The following MIER1 variants were observed in gnomAD, a reference collection of about 807,000 sequenced individuals.
MIER1 encodes mesoderm induction early response protein 1.
MIER1 carries 40 observed loss-of-function variants against 75.7 expected under a neutral mutation model. That is an observed-to-expected ratio of 0.53 (90% CI 0.41 to 0.69). The LOEUF (loss-of-function observed/expected upper bound fraction) is 0.69, where lower values mean the gene tolerates loss of function less well. Ranked by LOEUF, MIER1 falls within the 30% of genes least tolerant of loss-of-function variation. The probability of loss-of-function intolerance (pLI) is 0.00; values close to 1 mark genes in which losing one functional copy is unlikely to be tolerated. For synonymous variants in MIER1, 213 were observed against 223.4 expected, an observed-to-expected ratio of 0.95 and a Z score of 0.42; for missense variants, 574 against 680.2, an observed-to-expected ratio of 0.84 and a Z score of 1.74.
At chr1:66,960,838 C>CTA (rs1385718945) in intron 7 of MIER1, among the ~76,000 whole-genome samples, 4 of 152,096 alleles carry the variant, frequency 2.6e-5, no homozygotes, top group Admixed American at 2.0e-4. Context: ...TGTTTTTAAT[C>CTA]TGATTCCTAC....
chr1:66,970,827 G>A lies in MIER1; in HGVS notation c.792G>A (p.Gln264=), dbSNP rs373963799. The part of the protein sequence containing the change: ...ENEKVYENDD[Q]LLWDPEYLPE... ...ATTTAGTATATGAAAATGATGATCA[G>A]CTCCTGTGGGACCCTGAGTACTTAC... Residue 264 remains glutamine, a synonymous_variant, in exon 9 of 14, where the codon CAG becomes CAA. Transcript: ENST00000401041. 9.0e-5 allele frequency: 141 copies of A among 1,567,176 alleles called. No individual in the cohort carries two copies. The African/African-American group carries it at 1.8e-3, about 19-fold the overall frequency.
intron 8 of MIER1, among the ~76,000 whole-genome samples, 173 bp from the exon 9 acceptor site, chr1:66,970,635 T>A (rs1361253495): frequency 6.6e-6 from 1 of 152,158 alleles, no homozygotes; most frequent in Non-Finnish European, 1.5e-5. Flanking sequence ...TTTAAATTGT[T>A]TAATTTACTT....
intron 4 of MIER1, among the ~76,000 whole-genome samples, chr1:66,954,237 C>T (rs767534515): frequency 1.3e-5 from 2 of 152,194 alleles, no homozygotes; most frequent in Non-Finnish European, 2.9e-5. Context: ...CCTAAGTTCA[C>T]GTTGAGTGTT....
rs761336238 is a variant in MIER1 at position 66,970,944 on chromosome 1, A to G, written c.909A>G (p.Ile303Met). The G allele has an allele frequency of 1.0e-5, 16 of 1,582,490 alleles. No individual in the cohort carries two copies. The highest frequency in any genetic ancestry group is 3.3e-4 in the Middle Eastern group (2 of 6,012). Residue 303 changes from isoleucine to methionine, a missense_variant, in exon 9 of 14, where the codon ATA becomes ATG. Around this residue, in one of 3 missense-constraint regions of MIER1, gnomAD observed 101 missense variants for 173.1 expected, o/e 0.58. Transcript: ENST00000401041. ...AAGCAATTCCTGAAGGATCTCACAT[A>G]AAAGACAATGAACAGGTCTGTGAAA... ...GVEAIPEGSH[I>M]KDNEQALYEL...
chr1:66,932,858 T>C (rs573460840), intron 2 of MIER1: 73 of 151,994 alleles, frequency 4.8e-4, no homozygotes, highest in African/African-American at 1.6e-3. Flanking sequence ...AAAAAAAAAA[T>C]TGATGCTTCC....
intron 13 of MIER1, among the ~76,000 whole-genome samples, chr1:66,983,874 C>T (rs532476124): frequency 4.8e-4 from 73 of 152,266 alleles, no homozygotes; most frequent in African/African-American, 1.6e-3. Context: ...AGACGGTGCA[C>T]GCCACCACTC....
intron 5 of MIER1, 48 bp from the exon 6 acceptor site, chr1:66,958,803 C>A: frequency 6.7e-7 from 1 of 1,491,442 alleles, no homozygotes; most frequent in Non-Finnish European, 9.2e-7. Flanking sequence ...CTTTCATCTG[C>A]AACTGTTTTC....
chr1:66,969,568 A>C (rs1663173067), intron 8 of MIER1, among the ~76,000 whole-genome samples: 1 of 149,072 alleles, frequency 6.7e-6, no homozygotes, highest in Non-Finnish European at 1.5e-5. Context: ...AAAAAAAAAA[A>C]AAAAAAATCA....
At position 66,957,978 on chromosome 1, in the gene MIER1, A is replaced by G. The variant is rs971480989; in HGVS notation, c.340-81A>G. On this transcript the variant is annotated intron_variant, in intron 4 of 13. Coordinates refer to ENST00000401041, the MANE Select transcript of MIER1 (RefSeq NM_001077700.3). ...TTTTATTCTTCACTATAGAATGAAT[A>G]CTCCACAGATTTGTGGATTATAGCC... 5 of 788,812 alleles carry G rather than the reference A, an allele frequency of 6.3e-6. No homozygotes were observed. In the African/African-American group the frequency reaches 7.0e-5, roughly 11 times the overall value. The allele number at this position is 788,812 out of a possible 1,614,324, so 48.9% of individuals were successfully genotyped here.
intron 2 of MIER1, among the ~76,000 whole-genome samples, chr1:66,927,602 A>G (rs929106347): frequency 4.6e-5 from 7 of 152,174 alleles, no homozygotes; most frequent in Admixed American, 2.6e-4. Context: ...TTGGATACAA[A>G]GAAGATATCT....
At chr1:66,935,569 C>CA (rs770614257) in intron 2 of MIER1, among the ~76,000 whole-genome samples, 1 of 152,100 alleles carries the variant, frequency 6.6e-6, no homozygotes, top group Admixed American at 6.6e-5. Context: ...ACAAGATAAT[C>CA]AGTTCCCAGT....
At chr1:66,932,779 G>A (rs1274211316) in intron 2 of MIER1, 2 of 151,944 alleles carry the variant, frequency 1.3e-5, no homozygotes, top group Non-Finnish European at 2.9e-5. Flanking sequence ...TAAATCTGAG[G>A]GGGAAAACAG....
chr1:66,947,025 C>T (rs1436689133), intron 4 of MIER1: 1 of 984,478 alleles, frequency 1.0e-6, no homozygotes, highest in African/African-American at 1.7e-5. Context: ...GATCAGTGCT[C>T]CTCAAAATGT....
intron 7 of MIER1, among the ~76,000 whole-genome samples, chr1:66,960,467 T>C (rs552248423): frequency 4.7e-4 from 72 of 152,270 alleles, no homozygotes; most frequent in Admixed American, 2.4e-3. Flanking sequence ...AGTTAAAGAA[T>C]TGTAAGTTAT....
At position 66,946,167 on chromosome 1, in the gene MIER1, G is replaced by C; in HGVS notation, c.211G>C (p.Asp71His). 6.2e-7 allele frequency: 1 copy of C among 1,609,192 alleles called. No homozygotes were observed. The highest frequency in any genetic ancestry group is 1.1e-5 in the South Asian group (1 of 89,744). ...SSSPGGSATS[D>H]DHEFDPSADM... ...CTTACCAGGAGGTTCAGCAACATCA[G>C]ATGACCATGAATTTGATCCATCAGC... Residue 71 changes from aspartate to histidine, a missense_variant, in exon 4 of 14, where the codon GAT becomes CAT. Around this residue, in one of 3 missense-constraint regions of MIER1, gnomAD observed 309 missense variants for 352.8 expected, o/e 0.88. Coordinates refer to ENST00000401041, the MANE Select transcript of MIER1 (RefSeq NM_001077700.3).
rs753834802 is a variant in MIER1 at position 66,970,915 on chromosome 1, G to A, written c.880G>A (p.Val294Ile). 22 of 1,589,176 alleles carry A rather than the reference G, an allele frequency of 1.4e-5. No homozygotes were observed. Among genetic ancestry groups the A allele is most frequent in the Non-Finnish European group, 1.9e-5 (22 of 1,172,960 alleles). Reference sequence around the variant, plus strand: ...TAGAAGAACAGGTGATGAGAAGGGTGTAGAAGCAATTCCTGAAGGATCTCA... The same window carrying A: ...TAGAAGAACAGGTGATGAGAAGGGTATAGAAGCAATTCCTGAAGGATCTCA... ...ASRRTGDEKG[V>I]EAIPEGSHIK... Residue 294 changes from valine (V) to isoleucine (I), a missense_variant, in exon 9 of 14, where the codon GTA (valine) becomes ATA (isoleucine). By Grantham distance (29) the Val-to-Ile change is conservative (BLOSUM62 3). Coordinates refer to ENST00000401041, the MANE Select transcript of MIER1 (RefSeq NM_001077700.3).
At chr1:66,949,832 A>T (rs1658507651) in intron 4 of MIER1, among the ~76,000 whole-genome samples, 1 of 152,194 alleles carries the variant, frequency 6.6e-6, no homozygotes, top group Admixed American at 6.5e-5. Flanking sequence ...TGAATTTTTG[A>T]TGTATTGTGG....
At chr1:66,978,209 A>AGAAG (rs1558114062) in intron 12 of MIER1, among the ~76,000 whole-genome samples, 1 of 149,472 alleles carries the variant, frequency 6.7e-6, no homozygotes, top group Non-Finnish European at 1.5e-5. Flanking sequence ...AAAAAAAAAA[A>AGAAG]AAAGATGTGC....
intron 10 of MIER1, among the ~76,000 whole-genome samples, chr1:66,972,102 A>G (rs1020023260): frequency 1.3e-5 from 2 of 151,454 alleles, no homozygotes; most frequent in African/African-American, 4.8e-5. Context: ...TCTCTGAACT[A>G]AAGTAACTTG....
Sources: allele counts gnomAD v4.1 joint callset (sites outside exome capture counted in the v4.1 genomes callset), GRCh38; gene constraint gnomAD v4.1.1; regional missense constraint gnomAD v4.1.1; transcripts MANE v1.5; gene names NCBI Gene and HGNC (gene_info 2026-07-23, HGNC 2026-07-21).